Variants in EPB41L4A observed in about 807,000 individuals in gnomAD.
EPB41L4A encodes the protein band 4.1-like protein 4A.
A neutral mutation model predicts 108.6 loss-of-function variants in EPB41L4A; 100 were observed. The observed-to-expected ratio is 0.92, with a 90% CI of 0.78 to 1.09. The LOEUF is 1.09. Among genes scored for constraint, EPB41L4A ranks in the 50% least tolerant of loss-of-function variants. The probability of loss-of-function intolerance (pLI) is 0.00; values close to 1 mark genes in which losing one functional copy is unlikely to be tolerated. For synonymous variants in EPB41L4A, 319 were observed against 289.0 expected, an observed-to-expected ratio of 1.10 and a Z score of -1.05; for missense variants, 1,030 against 842.7, an observed-to-expected ratio of 1.22 and a Z score of -2.75.
intron 4 of EPB41L4A, among the ~76,000 whole-genome samples, chr5:112,270,741 C>G (rs1252034047): frequency 6.6e-6 from 1 of 152,062 alleles, no homozygotes; most frequent in South Asian, 2.1e-4. Flanking sequence ...GAAGGTCACA[C>G]AGGAAGTGAG....
intron 9 of EPB41L4A, among the ~76,000 whole-genome samples, chr5:112,254,274 C>A (rs1202180229): frequency 6.6e-6 from 1 of 152,162 alleles, no homozygotes; most frequent in East Asian, 1.9e-4. Flanking sequence ...CTATTTTCCA[C>A]AAAAACATTG....
chr5:112,180,620 C>T (rs1161436901), intron 18 of EPB41L4A, among the ~76,000 whole-genome samples: 1 of 145,506 alleles, frequency 6.9e-6, no homozygotes, highest in African/African-American at 2.5e-5. Flanking sequence ...ATAAGACTAT[C>T]TTTGTGACCA....
intron 9 of EPB41L4A, among the ~76,000 whole-genome samples, chr5:112,247,432 G>A (rs966246963): frequency 5.9e-5 from 9 of 152,084 alleles, no homozygotes; most frequent in South Asian, 2.1e-4. Context: ...ACGTGGACCC[G>A]CCATTTCCCT....
At chr5:112,254,502 G>GT (rs962880264) in intron 9 of EPB41L4A, among the ~76,000 whole-genome samples, 2 of 152,102 alleles carry the variant, frequency 1.3e-5, no homozygotes, top group African/African-American at 4.8e-5. Flanking sequence ...CAGAGTTAAT[G>GT]TAACACCCAA....
chr5:112,401,894 C>T (rs1404680672), intron 1 of EPB41L4A, among the ~76,000 whole-genome samples: 1 of 152,168 alleles, frequency 6.6e-6, no homozygotes, highest in African/African-American at 2.4e-5. Context: ...GTCTAATAAG[C>T]CATGAATTCC....
chr5:112,333,011 A>C (rs571924107), intron 1 of EPB41L4A, among the ~76,000 whole-genome samples: 24 of 152,358 alleles, frequency 1.6e-4, no homozygotes, highest in Non-Finnish European at 1.9e-4. Context: ...TTGATTTATA[A>C]GCATAAATTG....
intron 1 of EPB41L4A, among the ~76,000 whole-genome samples, chr5:112,385,024 C>T (rs1025727180): frequency 2.0e-5 from 3 of 152,160 alleles, no homozygotes; most frequent in African/African-American, 4.8e-5. Context: ...GGAAGTAGCC[C>T]GGGTGACCCT....
chr5:112,233,685 C>T (rs574950043), intron 12 of EPB41L4A, among the ~76,000 whole-genome samples: 198 of 152,020 alleles, frequency 1.3e-3, no homozygotes, highest in Non-Finnish European at 2.4e-3. Flanking sequence ...GTAGCTAGGA[C>T]GACAGCCTTA....
chr5:112,392,401 C>CAAAAAAAAAA, intron 1 of EPB41L4A, among the ~76,000 whole-genome samples: 1 of 35,922 alleles, frequency 2.8e-5, no homozygotes. Flanking sequence ...AAATGGAAAG[C>CAAAAAAAAAA]AAAAAAAAAA....
chr5:112,377,345 G>A (rs1404410543), intron 1 of EPB41L4A, among the ~76,000 whole-genome samples: 1 of 152,116 alleles, frequency 6.6e-6, no homozygotes, highest in African/African-American at 2.4e-5. Context: ...ACCATTGAGG[G>A]AAACTGGGCA....
At chr5:112,279,369 C>T (rs1277831433) in intron 3 of EPB41L4A, among the ~76,000 whole-genome samples, 1 of 152,140 alleles carries the variant, frequency 6.6e-6, no homozygotes, top group Admixed American at 6.5e-5. Context: ...ACAGAAAATA[C>T]AGACTCAGAA....
At chr5:112,206,462 T>C (rs1762478164) in intron 13 of EPB41L4A, among the ~76,000 whole-genome samples, 1 of 152,094 alleles carries the variant, frequency 6.6e-6, no homozygotes, top group African/African-American at 2.4e-5. Context: ...TAACCCATAG[T>C]ATTAGTAGAT....
At chr5:112,419,615 T>C (rs1324385242), upstream of EPB41L4A, 1 of 455,368 alleles carries the variant, frequency 2.2e-6, no homozygotes, top group South Asian at 1.6e-5. Context: ...GCTCGGCTTT[T>C]CTTTTGTGTG....
rs141442251 is a variant in EPB41L4A at position 112,313,771 on chromosome 5, G to A, written c.100-6281C>T. 2.2e-3 allele frequency among the ~76,000 whole-genome samples: 327 copies of A among 150,470 alleles called. 1 individual carries two copies. Among genetic ancestry groups the A allele is most frequent in the African/African-American group, 7.8e-3 (317 of 40,866 alleles). ...AGTGTTAGGTAAGGAATGCATAGAG[G>A]AATATAGTGATGAGCTGTTAATTTG... On this transcript the variant is annotated intron_variant, in intron 1 of 22. Coordinates refer to ENST00000261486, the MANE Select transcript of EPB41L4A (RefSeq NM_022140.5).
chr5:112,142,919 C>T (rs891046643), exon 14 of EPB41L4A: 7 of 152,162 alleles, frequency 4.6e-5, no homozygotes, highest in African/African-American at 1.7e-4. Context: ...GAAAATGCTT[C>T]AGAAGTAGTT....
intron 15 of EPB41L4A, among the ~76,000 whole-genome samples, chr5:112,199,461 C>A (rs753156627): frequency 2.0e-5 from 3 of 152,196 alleles, no homozygotes; most frequent in Non-Finnish European, 4.4e-5. Flanking sequence ...CTTCTTACAA[C>A]TCTGTCATTG....
At chr5:112,409,588 C>G (rs1429455372) in intron 1 of EPB41L4A, among the ~76,000 whole-genome samples, 3 of 152,246 alleles carry the variant, frequency 2.0e-5, no homozygotes, top group Non-Finnish European at 4.4e-5. Context: ...AGAGAGATGC[C>G]TTCTCTTTCT....
chr5:112,305,219 GATA>G (rs1404560350), intron 2 of EPB41L4A, among the ~76,000 whole-genome samples: 2 of 152,104 alleles, frequency 1.3e-5, no homozygotes, highest in Admixed American at 1.3e-4. Flanking sequence ...CCAACAGAAA[GATA>G]ATAATACTTT....
At chr5:112,249,959 C>T (rs1750537717) in intron 9 of EPB41L4A, among the ~76,000 whole-genome samples, 1 of 152,142 alleles carries the variant, frequency 6.6e-6, no homozygotes. Flanking sequence ...ATGGTAAGCA[C>T]ATACTCTAGT....
Sources: gnomAD v4.1 joint callset for allele counts (sites outside exome capture counted in the v4.1 genomes callset) on GRCh38, gnomAD v4.1.1 for gene constraint, MANE v1.5 for transcripts, NCBI Gene and HGNC (gene_info 2026-07-23, HGNC 2026-07-21) for gene names.